Variants in PDSS2 observed in about 807,000 individuals in gnomAD.
The protein encoded by PDSS2 is all trans-polyprenyl-diphosphate synthase PDSS2.
A neutral mutation model predicts 44.5 loss-of-function variants in PDSS2; 31 were observed. The observed-to-expected ratio is 0.70, with a 90% CI of 0.52 to 0.94. The LOEUF (loss-of-function observed/expected upper bound fraction) is 0.94. Among genes scored for constraint, PDSS2 ranks in the 40% least tolerant of loss-of-function variants. PDSS2 has a pLI of 0.00. For missense variants in PDSS2, 452 were observed against 482.2 expected (o/e 0.94, Z 0.59); for synonymous variants, 157 against 180.3 (o/e 0.87, Z 1.03).
intron 1 of PDSS2, among the ~76,000 whole-genome samples, chr6:107,429,395 A>C (rs749771568): frequency 6.6e-6 from 1 of 152,146 alleles, no homozygotes; most frequent in Non-Finnish European, 1.5e-5. Context: ...AACTCTACCA[A>C]ACTCCCATAC....
chr6:107,359,969 C>A (rs963413001), intron 1 of PDSS2, among the ~76,000 whole-genome samples: 15 of 152,264 alleles, frequency 9.9e-5, no homozygotes, highest in African/African-American at 3.4e-4. Flanking sequence ...AAATTGCAAT[C>A]AAGTACAATT....
At chr6:107,321,538 G>A (rs1323726797) in intron 2 of PDSS2, among the ~76,000 whole-genome samples, 1 of 152,172 alleles carries the variant, frequency 6.6e-6, no homozygotes, top group Non-Finnish European at 1.5e-5. Flanking sequence ...ATGTTCATGA[G>A]CAGATATGCC....
At chr6:107,165,809 C>A (rs1554247410) in intron 7 of PDSS2, among the ~76,000 whole-genome samples, 1 of 152,060 alleles carries the variant, frequency 6.6e-6, no homozygotes, top group Non-Finnish European at 1.5e-5. Flanking sequence ...ATGGAATGTT[C>A]TTCCATTTGT....
intron 1 of PDSS2, among the ~76,000 whole-genome samples, chr6:107,374,060 G>T (rs1038720782): frequency 6.6e-6 from 1 of 152,002 alleles, no homozygotes; most frequent in Non-Finnish European, 1.5e-5. Flanking sequence ...TTCAAGACCA[G>T]CCTGGTCAAT....
chr6:107,236,984 G>T (rs1774247831), intron 4 of PDSS2, among the ~76,000 whole-genome samples: 1 of 151,604 alleles, frequency 6.6e-6, no homozygotes, highest in Non-Finnish European at 1.5e-5. Context: ...TGTTACCCAG[G>T]CTGAAGTATA....
At position 107,402,480 on chromosome 6, in the gene PDSS2, A is replaced by ATGTATACATATATGTATATATGTATACG. The variant is rs1780156354; in HGVS notation, c.296+56509_296+56510insCGTATACATATATACATATATGTATACA. ...TATATATACGTATATATATGTATAC[A>ATGTATACATATATGTATATATGTATACG]TATATACGTATATATGTATACATAT... On this transcript the variant is annotated intron_variant, in intron 1 of 7. Transcript: ENST00000369037. 1.1e-4 allele frequency among the ~76,000 whole-genome samples: 2 copies of ATGTATACATATATGTATATATGTATACG among 18,214 alleles called. 1 individual carries two copies. Among genetic ancestry groups the ATGTATACATATATGTATATATGTATACG allele is most frequent in the Non-Finnish European group, 1.7e-4 (2 of 12,056 alleles). The allele number at this position is 18,214 out of a possible 152,430, so 11.9% of individuals were successfully genotyped here. A position where few individuals can be genotyped will look rare whatever the true frequency, so the allele number is the denominator to read the frequency against.
chr6:107,256,151 C>T lies in PDSS2; in HGVS notation c.631-10532G>A, dbSNP rs555846545. 1.6e-4 allele frequency among the ~76,000 whole-genome samples: 25 copies of T among 152,086 alleles called. No homozygotes were observed. The East Asian group carries it at 2.7e-3, about 16-fold the overall frequency. ...GGCTACAGGTGCATGCCACCATGCC[C>T]GGCTAATTTTCGTATTTTTAGTAGA... On this transcript the variant is annotated intron_variant, in intron 3 of 7. Transcript: ENST00000369037.
chr6:107,434,046 TACA>T (rs1181091536), intron 1 of PDSS2, among the ~76,000 whole-genome samples: 1 of 152,072 alleles, frequency 6.6e-6, no homozygotes, highest in Non-Finnish European at 1.5e-5. Flanking sequence ...AAATCAAAAC[TACA>T]ACGAGATATC....
chr6:107,262,938 A>G (rs1372065789), intron 3 of PDSS2, among the ~76,000 whole-genome samples: 1 of 152,096 alleles, frequency 6.6e-6, no homozygotes, highest in Non-Finnish European at 1.5e-5. Context: ...TATTACAAAA[A>G]ATAAAGAAAT....
At chr6:107,178,297 G>A (rs1352090506) in intron 7 of PDSS2, among the ~76,000 whole-genome samples, 1 of 152,192 alleles carries the variant, frequency 6.6e-6, no homozygotes, top group East Asian at 1.9e-4. Context: ...GCCAATGTAT[G>A]AGGTGAAGAA....
At chr6:107,357,563 G>T (rs767109751) in intron 1 of PDSS2, among the ~76,000 whole-genome samples, 31 of 151,998 alleles carry the variant, frequency 2.0e-4, no homozygotes, top group African/African-American at 6.5e-4. Context: ...TATTTACTAA[G>T]AACTAAATTT....
At chr6:107,217,820 G>A (rs1241710437) in intron 4 of PDSS2, among the ~76,000 whole-genome samples, 3 of 152,224 alleles carry the variant, frequency 2.0e-5, no homozygotes, top group African/African-American at 7.2e-5. Context: ...CTAAAACAGA[G>A]TTGAGAAGTC....
intron 2 of PDSS2, among the ~76,000 whole-genome samples, chr6:107,325,038 T>A (rs1371596764): frequency 6.6e-6 from 1 of 152,048 alleles, no homozygotes; most frequent in Non-Finnish European, 1.5e-5. Flanking sequence ...ATTCCCTAAA[T>A]GTAAAGGTTT....
At chr6:107,454,428 T>G (rs946027346) in intron 1 of PDSS2, among the ~76,000 whole-genome samples, 5 of 152,154 alleles carry the variant, frequency 3.3e-5, no homozygotes, top group African/African-American at 1.2e-4. Context: ...AACAGAGAGA[T>G]CCTAGAAAAT....
intron 1 of PDSS2, among the ~76,000 whole-genome samples, chr6:107,343,362 C>T (rs538215343): frequency 3.3e-4 from 50 of 152,242 alleles, no homozygotes; most frequent in African/African-American, 1.0e-3. Context: ...CTAATCTTTT[C>T]TACTCCTTTT....
chr6:107,456,048 C>T (rs977787469), intron 1 of PDSS2, among the ~76,000 whole-genome samples: 4 of 152,200 alleles, frequency 2.6e-5, no homozygotes, highest in Non-Finnish European at 4.4e-5. Flanking sequence ...TGAGGCCCGG[C>T]GTGGTGGCTC....
chr6:107,340,042 TAA>T (rs75113713), intron 1 of PDSS2, among the ~76,000 whole-genome samples: 1,229 of 102,850 alleles, frequency 0.012, 19 homozygotes, highest in African/African-American at 0.038. Flanking sequence ...TAATAGTCAA[TAA>T]AAAAAAAAAA....
intron 1 of PDSS2, among the ~76,000 whole-genome samples, chr6:107,385,722 TC>T (rs1779590682): frequency 6.6e-6 from 1 of 152,058 alleles, no homozygotes; most frequent in Admixed American, 6.5e-5. Context: ...AAGCTGAACA[TC>T]TTTTTTTTTC....
intron 2 of PDSS2, among the ~76,000 whole-genome samples, chr6:107,286,136 T>TAAATAAAAAAAAA (rs568159749): frequency 2.6e-4 from 33 of 128,740 alleles, no homozygotes; most frequent in African/African-American, 9.2e-4. Context: ...CGTCGCAAAA[T>TAAATAAAAAAAAA]AAAAAAAAAA....
Sources: gnomAD v4.1 joint callset for allele counts (sites outside exome capture counted in the v4.1 genomes callset) on GRCh38, gnomAD v4.1.1 for gene constraint, MANE v1.5 for transcripts, NCBI Gene and HGNC (gene_info 2026-07-23, HGNC 2026-07-21) for gene names.